The following CMTM4 variants were observed in gnomAD, a reference collection of about 807,000 sequenced individuals.
CMTM4 encodes the protein CKLF like MARVEL transmembrane domain containing 4.
In CMTM4, 8 loss-of-function variants were observed where a neutral mutation model predicts 19.0. The ratio of observed to expected loss-of-function variants is 0.42; its 90% CI spans 0.25 to 0.76. The LOEUF (loss-of-function observed/expected upper bound fraction) is 0.76, where lower values mean the gene tolerates loss of function less well. Ranked by LOEUF, CMTM4 falls within the 30% of genes least tolerant of loss-of-function variation. The probability of loss-of-function intolerance (pLI) is 0.27; values close to 1 mark genes in which losing one functional copy is unlikely to be tolerated. For synonymous variants in CMTM4, 106 were observed against 121.1 expected, an observed-to-expected ratio of 0.88 and a Z score of 0.82; for missense variants, 228 against 290.2, an observed-to-expected ratio of 0.79 and a Z score of 1.56.
intron 1 of CMTM4, among the ~76,000 whole-genome samples, chr16:66,646,400 A>T (rs1240573363): frequency 1.3e-5 from 2 of 152,156 alleles, no homozygotes; most frequent in Non-Finnish European, 2.9e-5. Flanking sequence ...ATATATACAC[A>T]TATATGTACA....
At chr16:66,623,561 GC>G in intron 2 of CMTM4, 59 bp from the exon 3 acceptor site, 1 of 1,275,074 alleles carries the variant, frequency 7.8e-7, no homozygotes, top group Non-Finnish European at 1.1e-6. Flanking sequence ...TGCTCTAAAA[GC>G]AACTGGAGAA....
chr16:66,630,259 C>CAAAA (rs2015823033), intron 2 of CMTM4, among the ~76,000 whole-genome samples: 1 of 148,118 alleles, frequency 6.8e-6, no homozygotes. Flanking sequence ...TATTTGGTGT[C>CAAAA]AGAAAAAAAA....
chr16:66,628,244 T>C (rs2144792801), intron 2 of CMTM4, among the ~76,000 whole-genome samples: 1 of 152,322 alleles, frequency 6.6e-6, no homozygotes, highest in East Asian at 1.9e-4. Flanking sequence ...GACAGTGGCC[T>C]TTCTCTATCT....
intron 1 of CMTM4, among the ~76,000 whole-genome samples, chr16:66,678,154 C>A (rs933609622): frequency 1.3e-5 from 2 of 152,056 alleles, no homozygotes; most frequent in African/African-American, 4.8e-5. Context: ...CTAGCTTGGG[C>A]AACACAGTGA....
the CMTM4 span, among the ~76,000 whole-genome samples, chr16:66,600,870 C>T: frequency 6.6e-6 from 1 of 152,118 alleles, no homozygotes; most frequent in African/African-American, 2.4e-5. Flanking sequence ...ACTATAGTCA[C>T]TGAAGAATAA....
intron 1 of CMTM4, among the ~76,000 whole-genome samples, chr16:66,688,266 A>G (rs2017072023): frequency 6.6e-6 from 1 of 152,176 alleles, no homozygotes; most frequent in African/African-American, 2.4e-5. Context: ...AGGTTCCAAC[A>G]TCTGAATTTT....
chr16:66,690,913 C>A (rs534006119), intron 1 of CMTM4, among the ~76,000 whole-genome samples: 1 of 152,060 alleles, frequency 6.6e-6, no homozygotes, highest in Admixed American at 6.6e-5. Context: ...TCGAGATTAG[C>A]CTCTAGTTTG....
At chr16:66,604,698 C>A in the CMTM4 span, 1 of 882,202 alleles carries the variant, frequency 1.1e-6, no homozygotes, top group Non-Finnish European at 1.5e-6. Flanking sequence ...CGCCCCTGCG[C>A]GAGCCAGTGT....
chr16:66,673,569 C>T (rs1449045119), intron 1 of CMTM4, among the ~76,000 whole-genome samples: 1 of 152,106 alleles, frequency 6.6e-6, no homozygotes, highest in Non-Finnish European at 1.5e-5. Context: ...CAATGTTGTA[C>T]TGTACTTTTG....
At chr16:66,609,455 C>T in the CMTM4 span, 15 of 1,612,952 alleles carry the variant, frequency 9.3e-6, no homozygotes, top group Admixed American at 1.5e-4. This position sits in a 1 kb window ranked among gnomAD's most constrained non-coding sequence, Gnocchi z 4.4. Flanking sequence ...GCTGTGTCAC[C>T]GCGGCCCTCA....
At position 66,627,964 on chromosome 16, in the gene CMTM4, T is replaced by C. The variant is rs1013465235; in HGVS notation, c.364-4462A>G. 8.5e-5 allele frequency among the ~76,000 whole-genome samples: 13 copies of C among 152,116 alleles called. No homozygotes were observed. In the East Asian group the frequency reaches 1.7e-3, roughly 20 times the overall value. ...ATGCGGTAGGAGAACAGGATGATAA[T>C]AGGGAGAAGGTCAGCAAAAAAAACA... On this transcript the variant is annotated intron_variant, in intron 2 of 3. Coordinates refer to ENST00000394106, the MANE Select transcript of CMTM4 (RefSeq NM_181521.3).
At chr16:66,607,835 GTT>G in the CMTM4 span, among the ~76,000 whole-genome samples, 3 of 145,092 alleles carry the variant, frequency 2.1e-5, no homozygotes, top group African/African-American at 5.1e-5. Context: ...GCCATGCTGG[GTT>G]TTTTTTTTTT....
intron 1 of CMTM4, among the ~76,000 whole-genome samples, chr16:66,665,262 TAAAAAAAAA>T (rs71145929): frequency 6.7e-4 from 40 of 59,712 alleles, no homozygotes; most frequent in African/African-American, 2.4e-3. Context: ...CCCTGTTTCT[TAAAAAAAAA>T]AAAAAAAAAA....
Position 66,614,988 on chromosome 16 carries a change from G to A in CMTM4, c.*7070C>T, listed in dbSNP as rs1016715429. Reference sequence around the variant, plus strand: ...CAAATCAATAGCAGCAAAGCTTTGGGGCCCCAACCCACTCCATACATACAG... The same window carrying A: ...CAAATCAATAGCAGCAAAGCTTTGGAGCCCCAACCCACTCCATACATACAG... On this transcript the variant is annotated 3_prime_UTR_variant, in exon 4 of 4. Transcript: ENST00000394106. This position sits in a 1 kb window ranked among gnomAD's most constrained non-coding sequence, Gnocchi z 4.9. The A allele has an allele frequency of 1.1e-4, 17 of 152,178 alleles. No individual in the cohort carries two copies. The highest frequency in any genetic ancestry group is 4.1e-4 in the African/African-American group (17 of 41,448). 9.4% of individuals were successfully genotyped at this position (152,178 alleles called of 1,614,324 possible). A position where few individuals can be genotyped will look rare whatever the true frequency, so the allele number is the denominator to read the frequency against.
chr16:66,605,035 C>T, the CMTM4 span: 8 of 1,238,948 alleles, frequency 6.5e-6, no homozygotes, highest in Middle Eastern at 2.8e-4. The surrounding 1 kb of genome is among the most constrained non-coding windows in gnomAD (Gnocchi z 4.6). Context: ...GGGTGGGGTC[C>T]GGGGGCGGCC....
chr16:66,629,514 G>T (rs1417704029), intron 2 of CMTM4, among the ~76,000 whole-genome samples: 1 of 152,178 alleles, frequency 6.6e-6, no homozygotes, highest in Non-Finnish European at 1.5e-5. Context: ...GAATGAGTGT[G>T]CTATAATGAA....
intron 2 of CMTM4, among the ~76,000 whole-genome samples, chr16:66,629,672 G>A (rs1013944881): frequency 2.2e-4 from 34 of 152,114 alleles, no homozygotes; most frequent in Non-Finnish European, 4.3e-4. Context: ...ATAGGGGCAG[G>A]TCACCAGAAA....
intron 2 of CMTM4, among the ~76,000 whole-genome samples, chr16:66,636,155 A>G (rs995961235): frequency 1.3e-5 from 2 of 152,250 alleles, no homozygotes; most frequent in African/African-American, 4.8e-5. Context: ...GATGATTGCA[A>G]AATTGAAATG....
chr16:66,690,194 T>G (rs1377008924), intron 1 of CMTM4, among the ~76,000 whole-genome samples: 1 of 152,180 alleles, frequency 6.6e-6, no homozygotes, highest in African/African-American at 2.4e-5. Context: ...CTGCTTCATC[T>G]ACCATTATGC....
Sources: allele counts gnomAD v4.1 joint callset (sites outside exome capture counted in the v4.1 genomes callset), GRCh38; gene constraint gnomAD v4.1.1; non-coding constraint Gnocchi (gnomAD v3.1); transcripts MANE v1.5; gene names NCBI Gene and HGNC (gene_info 2026-07-23, HGNC 2026-07-21).